The following LPA variants were observed in gnomAD, a reference collection of about 807,000 sequenced individuals.
LPA encodes apolipoprotein(a).
Under a neutral mutation model 197.9 loss-of-function variants are expected in LPA, and 199 were observed. The ratio of observed to expected loss-of-function variants is 1.01; its 90% CI spans 0.90 to 1.13. The LOEUF is 1.13. LPA is among the 50% of genes most tolerant of loss of function. LPA has a pLI of 0.00. For missense variants in LPA, 1,853 were observed against 1,785.8 expected (o/e 1.04, Z -0.68); for synonymous variants, 715 against 639.5 (o/e 1.12, Z -1.78).
chr6:160,568,581 C>G (rs1778505465), intron 28 of LPA, among the ~76,000 whole-genome samples: 2 of 152,196 alleles, frequency 1.3e-5, no homozygotes, highest in South Asian at 4.1e-4. Context: ...TGGCACAAGA[C>G]AGGGATGCCC....
intron 28 of LPA, among the ~76,000 whole-genome samples, chr6:160,566,239 C>T (rs185319477): frequency 3.3e-5 from 5 of 151,986 alleles, no homozygotes; most frequent in Admixed American, 3.3e-4. Context: ...TCAGATTCAC[C>T]AGAAAGGTCG....
At chr6:160,580,438 G>A (rs1293096066) in intron 26 of LPA, among the ~76,000 whole-genome samples, 5 of 152,100 alleles carry the variant, frequency 3.3e-5, no homozygotes, top group Non-Finnish European at 7.4e-5. Flanking sequence ...TAGAATTACA[G>A]GTTTGTAGGA....
chr6:160,606,447 C>T, intron 17 of LPA, 30 bp downstream of exon 17: 16 of 1,611,554 alleles, frequency 9.9e-6, no homozygotes, highest in Non-Finnish European at 1.4e-5. Context: ...AGCATCGAAA[C>T]GTGTAGGTTT....
chr6:160,608,089 C>T (rs1047790482), intron 16 of LPA, among the ~76,000 whole-genome samples: 13 of 152,216 alleles, frequency 8.5e-5, no homozygotes, highest in Middle Eastern at 3.4e-3. Context: ...CAGTAGTCAA[C>T]GCTCATTTAA....
At chr6:160,610,608 T>G (rs1172037331) in intron 16 of LPA, among the ~76,000 whole-genome samples, 3 of 152,190 alleles carry the variant, frequency 2.0e-5, no homozygotes, top group African/African-American at 2.4e-5. Context: ...TGAGGCCAAC[T>G]ACTGGAGGAG....
rs557090640 is a variant in LPA, at chr6:160,606,574, C to G, written c.2688G>C (p.Glu896Asp). The G allele has an allele frequency of 6.8e-6, 11 of 1,613,882 alleles. No individual in the cohort carries two copies. The highest frequency in any genetic ancestry group is 9.3e-6 in the Non-Finnish European group (11 of 1,179,958). Reference sequence around the variant, plus strand: ...CTGAGCATTGTGTCAGGTTGCAGTACTCCCACCTGACACTGGGATCCCTCG... The same window carrying G: ...CTGAGCATTGTGTCAGGTTGCAGTAGTCCCACCTGACACTGGGATCCCTCG... ...CYTRDPSVRW[E>D]YCNLTQCSDA... The change falls in exon 17 of 39, where the codon GAG becomes GAC. Residue 896 changes from glutamate (E) to aspartate (D), a missense_variant. Transcript: ENST00000316300.
At position 160,543,291 on chromosome 6, in the gene LPA, G is replaced by A. The variant is rs1015410771; in HGVS notation, c.5399-483C>T. 2.0e-5 allele frequency among the ~76,000 whole-genome samples: 3 copies of A among 152,190 alleles called. No homozygotes were observed. In the South Asian group the frequency reaches 6.2e-4, roughly 32 times the overall value. ...CTTCTCTCTGCAGCAAGCCCACAAGGTCTCTGGAGGTAGGGAAAGTGTCCC... is the reference window on the plus strand; with the variant it reads ...CTTCTCTCTGCAGCAAGCCCACAAGATCTCTGGAGGTAGGGAAAGTGTCCC... On this transcript the variant is annotated intron_variant, in intron 33 of 38. Coordinates refer to ENST00000316300, the MANE Select transcript of LPA (RefSeq NM_005577.4).
chr6:160,571,995 C>T (rs867629979), intron 28 of LPA, among the ~76,000 whole-genome samples: 1 of 152,166 alleles, frequency 6.6e-6, no homozygotes, highest in Non-Finnish European at 1.5e-5. Flanking sequence ...AATCCAGGGC[C>T]CTGGTGGTGT....
chr6:160,561,910 A>G (rs1182802988), intron 28 of LPA, among the ~76,000 whole-genome samples: 1 of 152,202 alleles, frequency 6.6e-6, no homozygotes. Context: ...ATTTTTGCAC[A>G]TTGATTTTGT....
intron 18 of LPA, 55 bp from the exon 19 acceptor site, chr6:160,601,153 CTG>C: frequency 6.5e-7 from 1 of 1,538,278 alleles, no homozygotes; most frequent in African/African-American, 1.4e-5. Context: ...TGCAGGAACA[CTG>C]TATATTTTGC....
At position 160,556,117 on chromosome 6, in the gene LPA, T is replaced by C. The variant is rs200112128; in HGVS notation, c.4881A>G (p.Thr1627=). ...TCCTTCCTGTGACAGTGGTGGAGAA[T>C]GTGCCTCGATAACTCTGGCCATTAC... ...YHGNGQSYRG[T]FSTTVTGRTC... is the part of the protein sequence containing the mutation. The change falls in exon 30 of 39, where the codon ACA becomes ACG. Residue 1627 remains threonine, a synonymous_variant. Coordinates refer to ENST00000316300, the MANE Select transcript of LPA (RefSeq NM_005577.4). The C allele has an allele frequency of 6.2e-7, 1 of 1,613,992 alleles. No individual in the cohort carries two copies. Among genetic ancestry groups the C allele is most frequent in the Non-Finnish European group, 8.5e-7 (1 of 1,179,980 alleles).
At chr6:160,647,308 G>A (rs943558129) in intron 2 of LPA, among the ~76,000 whole-genome samples, 2 of 152,156 alleles carry the variant, frequency 1.3e-5, no homozygotes, top group Non-Finnish European at 2.9e-5. Context: ...TGGGCTGCGG[G>A]GATCTTGAAG....
At chr6:160,531,914 C>A (rs763395489) in intron 38 of LPA, 24 bp from the exon 39 acceptor site, 2 of 1,613,796 alleles carry the variant, frequency 1.2e-6, no homozygotes, top group Non-Finnish European at 1.7e-6. Flanking sequence ...GGGGAAAATT[C>A]ATGTGAGCTT....
At chr6:160,583,990 A>AT (rs1263923700) in intron 26 of LPA, among the ~76,000 whole-genome samples, 1 of 152,010 alleles carries the variant, frequency 6.6e-6, no homozygotes, top group Non-Finnish European at 1.5e-5. Flanking sequence ...TCAGACATGC[A>AT]TTTTTTTGTC....
Position 160,570,665 on chromosome 6 carries a change from T to C in LPA, c.4631+6471A>G, listed in dbSNP as rs137955901. ...TAAAAAAGAATGTTGAATATTGGCC[T>C]CCCACTCTCTTCTGGCTTGTAGAGT... On this transcript the variant is annotated intron_variant, in intron 28 of 38. Transcript: ENST00000316300. Among the ~76,000 whole-genome samples, 492 of 152,202 alleles carry C rather than the reference T, an allele frequency of 3.2e-3. 2 individuals are homozygous for C. Among genetic ancestry groups the C allele is most frequent in the Non-Finnish European group, 5.4e-3 (369 of 67,962 alleles).
chr6:160,634,824 C>T lies in LPA; in HGVS notation c.1075+299G>A, dbSNP rs945733621. ...AGAAAGAATCACACACCTGACAGCA[C>T]GTTACAATAAAAATTTTGGCTAAGA... is the stretch of plus-strand genomic sequence containing the variant. On this transcript the variant is annotated intron_variant, in intron 7 of 38. Transcript: ENST00000316300. Among the ~76,000 whole-genome samples the T allele has an allele frequency of 4.3e-4, 64 of 150,192 alleles. 6 individuals are homozygous for T. The Middle Eastern group carries it at 0.01, about 24-fold the overall frequency.
chr6:160,657,614 G>T (rs1463763632), intron 1 of LPA, among the ~76,000 whole-genome samples: 1 of 151,988 alleles, frequency 6.6e-6, no homozygotes, highest in Non-Finnish European at 1.5e-5. Context: ...AGCCAGAATT[G>T]TCTCAATCTC....
At position 160,564,466 on chromosome 6, in the gene LPA, G is replaced by A. The variant is rs548743813; in HGVS notation, c.4632-6895C>T. On this transcript the variant is annotated intron_variant, in intron 28 of 38. Transcript: ENST00000316300. ...TTTCTTCAGTTTTGGAATTCAGACT[G>A]GCTTTTCTTGCTCCTCAGCCTGCAG... 3.6e-3 allele frequency among the ~76,000 whole-genome samples: 555 copies of A among 152,244 alleles called. 2 individuals carry two copies. Among genetic ancestry groups the A allele is most frequent in the Non-Finnish European group, 6.0e-3 (409 of 68,010 alleles).
intron 19 of LPA, among the ~76,000 whole-genome samples, chr6:160,600,582 G>T (rs1779218623): frequency 6.6e-6 from 1 of 152,154 alleles, no homozygotes; most frequent in Non-Finnish European, 1.5e-5. Context: ...CCCTGGAAAA[G>T]TTTACTGGCT....
Sources: gnomAD v4.1 joint callset for allele counts (sites outside exome capture counted in the v4.1 genomes callset) on GRCh38, gnomAD v4.1.1 for gene constraint, MANE v1.5 for transcripts, NCBI Gene and HGNC (gene_info 2026-07-23, HGNC 2026-07-21) for gene names.